Variants in CCDC7 observed in about 807,000 individuals in gnomAD.
CCDC7 encodes coiled-coil domain containing 7.
A neutral mutation model predicts 196.9 loss-of-function variants in CCDC7; 183 were observed. That is an observed-to-expected ratio of 0.93 (90% confidence interval 0.82 to 1.05). The LOEUF (loss-of-function observed/expected upper bound fraction) is 1.05. CCDC7 is among the 50% of genes least tolerant of loss of function. CCDC7 has a pLI of 0.00. For synonymous variants in CCDC7, 525 were observed against 484.6 expected (o/e 1.08, Z -1.10); for missense variants, 1,540 against 1,482.2 (o/e 1.04, Z -0.64).
At chr10:32,683,965 C>T (rs772248076) in intron 21 of CCDC7, among the ~76,000 whole-genome samples, 1 of 152,170 alleles carries the variant, frequency 6.6e-6, no homozygotes, top group Non-Finnish European at 1.5e-5. Context: ...TACTGTCTCT[C>T]TATCCTCAGG....
At position 32,660,121 on chromosome 10, in the gene CCDC7, T is replaced by C. The variant is rs538942106; in HGVS notation, c.2015-3933T>C. ...ACTTTTTCCTCTGTTTTTCTTTTTT[T>C]TTTCTTTTTTTTTAATATTATACTT... On this transcript the variant is annotated intron_variant, in intron 20 of 41. Transcript: ENST00000639629. 1.3e-4 allele frequency among the ~76,000 whole-genome samples: 20 copies of C among 152,186 alleles called. No individual in the cohort carries two copies. The South Asian group carries it at 3.9e-3, about 30-fold the overall frequency.
At chr10:32,615,491 G>GAA (rs2062680668) in intron 18 of CCDC7, among the ~76,000 whole-genome samples, 1 of 151,952 alleles carries the variant, frequency 6.6e-6, no homozygotes, top group Non-Finnish European at 1.5e-5. Context: ...AAAAATGTTT[G>GAA]TTCAACATTT....
At chr10:32,472,184 A>G (rs1160590113) in intron 6 of CCDC7, among the ~76,000 whole-genome samples, 1 of 152,196 alleles carries the variant, frequency 6.6e-6, no homozygotes, top group Non-Finnish European at 1.5e-5. Context: ...ACTTCGACAA[A>G]AAGATACCTC....
chr10:32,489,047 T>C (rs2041741369), intron 8 of CCDC7, among the ~76,000 whole-genome samples: 1 of 152,200 alleles, frequency 6.6e-6, no homozygotes, highest in South Asian at 2.1e-4. Flanking sequence ...ATTCTTCTAA[T>C]CTCTTTTACT....
chr10:32,676,729 G>A (rs576248298), intron 21 of CCDC7, among the ~76,000 whole-genome samples: 10 of 152,146 alleles, frequency 6.6e-5, no homozygotes, highest in Middle Eastern at 3.4e-3. Context: ...AACAGGTGCT[G>A]GAGAGGATGT....
intron 21 of CCDC7, among the ~76,000 whole-genome samples, chr10:32,679,100 T>C (rs918328188): frequency 6.6e-6 from 1 of 152,198 alleles, no homozygotes; most frequent in Non-Finnish European, 1.5e-5. Flanking sequence ...ATGTATACTC[T>C]AAGATAATTA....
At chr10:32,669,183 TA>T (rs375820812) in intron 21 of CCDC7, among the ~76,000 whole-genome samples, 3 of 152,294 alleles carry the variant, frequency 2.0e-5, no homozygotes, top group African/African-American at 7.2e-5. Flanking sequence ...TTCATTCTGT[TA>T]ATGTGATGTA....
At chr10:32,582,199 G>A (rs2058819078) in intron 16 of CCDC7, among the ~76,000 whole-genome samples, 1 of 142,236 alleles carries the variant, frequency 7.0e-6, no homozygotes, top group South Asian at 2.2e-4. Context: ...CCCAAACTTT[G>A]CAGTTCAAAA....
intron 5 of CCDC7, among the ~76,000 whole-genome samples, chr10:32,464,012 ATCT>A (rs1564355196): frequency 6.6e-6 from 1 of 152,042 alleles, no homozygotes; most frequent in East Asian, 1.9e-4. Context: ...TCATCTTGTC[ATCT>A]TCTTTTCATC....
At chr10:32,830,058 T>C (rs1250915089) in intron 32 of CCDC7, among the ~76,000 whole-genome samples, 2 of 144,738 alleles carry the variant, frequency 1.4e-5, no homozygotes, top group East Asian at 2.0e-4. Flanking sequence ...TTGTGGGACC[T>C]TGTGATCATG....
chr10:32,479,438 C>CA (rs1352427238), intron 8 of CCDC7, among the ~76,000 whole-genome samples: 1 of 152,012 alleles, frequency 6.6e-6, no homozygotes, highest in Non-Finnish European at 1.5e-5. Context: ...TGAATTTTTT[C>CA]AAATGTTTTT....
intron 21 of CCDC7, among the ~76,000 whole-genome samples, chr10:32,683,173 T>C (rs2076057142): frequency 6.6e-6 from 1 of 152,186 alleles, no homozygotes; most frequent in East Asian, 1.9e-4. Flanking sequence ...TTTTTTTATG[T>C]GGTGAAAGGA....
At chr10:32,505,651 A>C (rs1016903597) in intron 9 of CCDC7, among the ~76,000 whole-genome samples, 2 of 151,108 alleles carry the variant, frequency 1.3e-5, no homozygotes, top group Non-Finnish European at 3.0e-5. Flanking sequence ...CTTTTCGACA[A>C]AACCGCCACT....
intron 28 of CCDC7, among the ~76,000 whole-genome samples, chr10:32,740,640 A>C (rs2085669745): frequency 6.6e-6 from 1 of 152,230 alleles, no homozygotes; most frequent in Non-Finnish European, 1.5e-5. Flanking sequence ...TGAACCAAAG[A>C]ACAAACTTCT....
chr10:32,489,979 A>G (rs1264271507), intron 8 of CCDC7, among the ~76,000 whole-genome samples: 3 of 151,928 alleles, frequency 2.0e-5, no homozygotes. Context: ...TGGGGGTTTA[A>G]TGGTGGCAGT....
chr10:32,845,384 A>G, intron 34 of CCDC7, 58 bp downstream of exon 35: 1 of 1,356,306 alleles, frequency 7.4e-7, no homozygotes, highest in East Asian at 2.5e-5. Flanking sequence ...TCCCTGAGTT[A>G]AATTAAGTAT....
intron 25 of CCDC7, among the ~76,000 whole-genome samples, chr10:32,720,644 A>T (rs1331847735): frequency 6.6e-6 from 1 of 152,162 alleles, no homozygotes; most frequent in Non-Finnish European, 1.5e-5. Context: ...AATCTTATGT[A>T]AACATCCCTT....
intron 11 of CCDC7, among the ~76,000 whole-genome samples, chr10:32,527,532 C>T (rs527762528): frequency 1.3e-5 from 2 of 152,336 alleles, no homozygotes; most frequent in African/African-American, 2.4e-5. Flanking sequence ...CACATCATTT[C>T]TGCTTCACTC....
chr10:32,613,069 T>C (rs1460361521), intron 18 of CCDC7, among the ~76,000 whole-genome samples: 3 of 152,192 alleles, frequency 2.0e-5, no homozygotes, highest in African/African-American at 4.8e-5. Context: ...TTTTGGTTGG[T>C]AGGCTATTAA....
Sources: gnomAD v4.1 joint callset for allele counts (sites outside exome capture counted in the v4.1 genomes callset) on GRCh38, gnomAD v4.1.1 for gene constraint, MANE v1.5 for transcripts, NCBI Gene and HGNC (gene_info 2026-07-23, HGNC 2026-07-21) for gene names.